Variants in GRM7 observed in about 807,000 individuals in gnomAD.
The protein encoded by GRM7 is metabotropic glutamate receptor 7.
Under a neutral mutation model 84.5 loss-of-function variants are expected in GRM7, and 35 were observed. The observed-to-expected ratio is 0.41, with a 90% confidence interval of 0.32 to 0.55. The LOEUF (loss-of-function observed/expected upper bound fraction) is 0.55, where lower values mean the gene tolerates loss of function less well. Among genes scored for constraint, GRM7 ranks in the 20% least tolerant of loss-of-function variants. The pLI is 0.19. For synonymous variants in GRM7, 487 were observed against 455.1 expected (o/e 1.07, Z -0.89); for missense variants, 1,003 against 1,194.6 (o/e 0.84, Z 2.36).
chr3:7,268,109 G>A (rs1364641692), intron 2 of GRM7, among the ~76,000 whole-genome samples: 2 of 152,042 alleles, frequency 1.3e-5, no homozygotes, highest in Admixed American at 6.5e-5. Flanking sequence ...AGGGAAACCC[G>A]TGACTCCCAT....
intron 7 of GRM7, among the ~76,000 whole-genome samples, chr3:7,471,455 G>A (rs1698697677): frequency 6.6e-6 from 1 of 152,138 alleles, no homozygotes; most frequent in African/African-American, 2.4e-5. Flanking sequence ...ACAGTGGTGG[G>A]TGGATCCCAG....
intron 4 of GRM7, among the ~76,000 whole-genome samples, chr3:7,392,539 TG>T (rs1695043002): frequency 6.6e-6 from 1 of 152,080 alleles, no homozygotes; most frequent in South Asian, 2.1e-4. Context: ...TGACCAGAGG[TG>T]GGTGGAATCC....
intron 1 of GRM7, among the ~76,000 whole-genome samples, chr3:7,051,774 A>G (rs1250313369): frequency 6.6e-6 from 1 of 151,710 alleles, no homozygotes; most frequent in Admixed American, 6.6e-5. Context: ...AGTAGTTCCT[A>G]TTGATTTTGA....
intron 1 of GRM7, among the ~76,000 whole-genome samples, chr3:6,953,760 T>A (rs1169941133): frequency 6.6e-6 from 1 of 152,210 alleles, no homozygotes; most frequent in Non-Finnish European, 1.5e-5. Context: ...GTAGACCTGC[T>A]TGGCTCCCTT....
chr3:7,577,946 A>C (rs1019638825), intron 7 of GRM7, among the ~76,000 whole-genome samples: 1 of 152,214 alleles, frequency 6.6e-6, no homozygotes, highest in African/African-American at 2.4e-5. Context: ...AACACCTAAC[A>C]AAGGAGATAA....
intron 1 of GRM7, among the ~76,000 whole-genome samples, chr3:7,115,439 G>A (rs1371478609): frequency 6.6e-6 from 1 of 152,066 alleles, no homozygotes; most frequent in Non-Finnish European, 1.5e-5. Context: ...CTTTTCCTGT[G>A]TTGCTGTGAG....
intron 1 of GRM7, among the ~76,000 whole-genome samples, chr3:6,956,387 T>G (rs1352769217): frequency 1.3e-5 from 2 of 152,204 alleles, no homozygotes; most frequent in African/African-American, 2.4e-5. Flanking sequence ...TAATTCACAT[T>G]AGAGGATTAA....
chr3:7,334,143 T>G (rs113322424), intron 4 of GRM7, among the ~76,000 whole-genome samples: 5,829 of 152,132 alleles, frequency 0.038, 233 homozygotes, highest in African/African-American at 0.1. Context: ...GATGATCACC[T>G]AGGCACATAG....
intron 9 of GRM7, among the ~76,000 whole-genome samples, chr3:7,685,092 A>T (rs557420722): frequency 6.6e-6 from 1 of 152,342 alleles, no homozygotes; most frequent in African/African-American, 2.4e-5. Context: ...GATGCCAGAT[A>T]AACAAGATGC....
intron 4 of GRM7, among the ~76,000 whole-genome samples, chr3:7,370,741 T>C (rs1694097196): frequency 6.6e-6 from 1 of 152,276 alleles, no homozygotes; most frequent in South Asian, 2.1e-4. Flanking sequence ...CCCTCCCTCA[T>C]AGAAGAAATC....
At position 7,372,991 on chromosome 3, in the gene GRM7, T is replaced by A. The variant is rs543467064; in HGVS notation, c.1034-42032T>A. Among the ~76,000 whole-genome samples, 63 of 152,252 alleles carry A rather than the reference T, an allele frequency of 4.1e-4. 1 individual carries two copies. In the South Asian group the frequency reaches 0.013, roughly 32 times the overall value. ...TAAGCCAGCATAGTTCAAGTTGCCA[T>A]TTAGAAAGCATAATTAGAACAGCAT... is the stretch of plus-strand genomic sequence containing the variant. On this transcript the variant is annotated intron_variant, in intron 4 of 9. Coordinates refer to ENST00000357716, the MANE Select transcript of GRM7 (RefSeq NM_000844.4).
At chr3:6,898,813 A>C (rs1696282184) in intron 1 of GRM7, among the ~76,000 whole-genome samples, 1 of 130,110 alleles carries the variant, frequency 7.7e-6, no homozygotes, top group African/African-American at 3.4e-5. Context: ...ATGAGATTCT[A>C]TCTCAAAAAA....
At chr3:7,667,173 C>A (rs1298272271) in intron 8 of GRM7, among the ~76,000 whole-genome samples, 1 of 151,292 alleles carries the variant, frequency 6.6e-6, no homozygotes, top group African/African-American at 2.4e-5. Flanking sequence ...GAGGCTGAGA[C>A]AAGAGGACTA....
chr3:7,700,301 T>C (rs1454987297), intron 9 of GRM7, among the ~76,000 whole-genome samples: 1 of 152,170 alleles, frequency 6.6e-6, no homozygotes, highest in African/African-American at 2.4e-5. Flanking sequence ...CAGTGGAAGC[T>C]GGAATTGTAG....
intron 5 of GRM7, among the ~76,000 whole-genome samples, chr3:7,448,303 T>A (rs1697613908): frequency 6.6e-6 from 1 of 151,942 alleles, no homozygotes; most frequent in Non-Finnish European, 1.5e-5. Flanking sequence ...TTTCTAGTTC[T>A]AGATCCCTGA....
chr3:7,450,512 G>C (rs1193434574), intron 5 of GRM7, among the ~76,000 whole-genome samples: 1 of 152,102 alleles, frequency 6.6e-6, no homozygotes, highest in African/African-American at 2.4e-5. Flanking sequence ...TTTTTAGACT[G>C]TTAGACATGA....
chr3:7,408,454 G>A (rs1456491792), intron 4 of GRM7, among the ~76,000 whole-genome samples: 1 of 152,088 alleles, frequency 6.6e-6, no homozygotes, highest in East Asian at 1.9e-4. Context: ...ATAATGGCTG[G>A]TTTCCACCTC....
In GRM7 at chr3:7,391,951, G is replaced by T. The variant is rs529320000; in HGVS notation, c.1034-23072G>T. Among the ~76,000 whole-genome samples, 28 of 152,250 alleles carry T rather than the reference G, an allele frequency of 1.8e-4. No homozygotes were observed. The East Asian group carries it at 5.2e-3, about 28-fold the overall frequency. ...TGGGAAGAGGCACTACCAAGTCTGT[G>T]ACAATGCACTGAGGGGGTTGGCAAG... is the stretch of plus-strand genomic sequence containing the variant. On this transcript the variant is annotated intron_variant, in intron 4 of 9. Transcript: ENST00000357716.
intron 1 of GRM7, among the ~76,000 whole-genome samples, chr3:6,883,333 A>T (rs1016922423): frequency 6.6e-6 from 1 of 152,100 alleles, no homozygotes; most frequent in East Asian, 1.9e-4. Flanking sequence ...TTTATAAATT[A>T]TAATCTCATG....
Sources: allele counts gnomAD v4.1 joint callset (sites outside exome capture counted in the v4.1 genomes callset), GRCh38; gene constraint gnomAD v4.1.1; transcripts MANE v1.5; gene names NCBI Gene and HGNC (gene_info 2026-07-23, HGNC 2026-07-21).